Variants in CNTNAP2 observed in about 807,000 individuals in gnomAD.
CNTNAP2 encodes contactin associated protein 2, also known as contactin-associated protein-like 2.
Under a neutral mutation model 155.2 loss-of-function variants are expected in CNTNAP2, and 98 were observed. The observed-to-expected ratio is 0.63, with a 90% CI of 0.54 to 0.75. CNTNAP2 has a LOEUF of 0.75. Among genes scored for constraint, CNTNAP2 ranks in the 30% least tolerant of loss-of-function variants. The pLI, the probability that CNTNAP2 is intolerant of heterozygous loss-of-function variation, is 0.00. For missense variants in CNTNAP2, 1,727 were observed against 1,688.1 expected, an observed-to-expected ratio of 1.02 and a Z score of -0.40; for synonymous variants, 651 against 631.2, an observed-to-expected ratio of 1.03 and a Z score of -0.47.
intron 11 of CNTNAP2, among the ~76,000 whole-genome samples, chr7:147,538,403 A>G (rs924523042): frequency 6.6e-6 from 1 of 152,134 alleles, no homozygotes; most frequent in African/African-American, 2.4e-5. Flanking sequence ...TGTAATTCCA[A>G]CTCTTTGGAA....
Position 148,098,444 on chromosome 7 carries a change from G to GAAAAAA in CNTNAP2, c.2384-19654_2384-19649dup, listed in dbSNP as rs61014019. 1.3e-3 allele frequency among the ~76,000 whole-genome samples: 73 copies of GAAAAAA among 56,386 alleles called. 6 individuals are homozygous for GAAAAAA. The highest frequency in any genetic ancestry group is 4.2e-3 in the African/African-American group (52 of 12,482). 37.0% of individuals were successfully genotyped at this position (56,386 alleles called of 152,430 possible). The stretch of plus-strand genomic sequence containing the variant: ...GGTGACAGAGCGAGACTCTGTCTCA[G>GAAAAAA]AAAAAAAAAAAAAAAAAAAAAAAAA... On this transcript the variant is annotated intron_variant, in intron 15 of 23. Transcript: ENST00000361727.
intron 15 of CNTNAP2, among the ~76,000 whole-genome samples, chr7:148,060,300 C>T (rs767859291): frequency 2.6e-5 from 4 of 151,810 alleles, no homozygotes; most frequent in Non-Finnish European, 5.9e-5. Context: ...AATAATTTTT[C>T]TGAAGTATTT....
At chr7:148,265,909 T>C (rs1253288168) in intron 20 of CNTNAP2, among the ~76,000 whole-genome samples, 1 of 152,214 alleles carries the variant, frequency 6.6e-6, no homozygotes, top group Non-Finnish European at 1.5e-5. Flanking sequence ...TTGCCTGCCC[T>C]CTTTCTTCAC....
In CNTNAP2 at chr7:147,486,186, CAA is replaced by C. The variant is rs4015951; in HGVS notation, c.1777+157_1777+158del. 0.19 allele frequency: 103,281 copies of C among 552,048 alleles called. 6,670 individuals carry two copies. The highest frequency in any genetic ancestry group is 0.36 in the East Asian group (11,812 of 32,436). The allele number at this position is 552,048 out of a possible 1,614,324, so 34.2% of individuals were successfully genotyped here. A position where few individuals can be genotyped will look rare whatever the true frequency, so the allele number is the denominator to read the frequency against. On this transcript the variant is annotated intron_variant, in intron 11 of 23. Coordinates refer to ENST00000361727, the MANE Select transcript of CNTNAP2 (RefSeq NM_014141.6). ...ACCAAGATTCCAATTGTCATTTCTC[CAA>C]AAAAAAAAAAATAAAATACACTATT...
chr7:146,288,538 G>C (rs748633284), intron 1 of CNTNAP2, among the ~76,000 whole-genome samples: 1 of 151,884 alleles, frequency 6.6e-6, no homozygotes, highest in African/African-American at 2.4e-5. Context: ...AGAAAAAAAA[G>C]TGTTTTATTT....
chr7:147,853,952 T>C (rs936008012), intron 13 of CNTNAP2, among the ~76,000 whole-genome samples: 1 of 152,212 alleles, frequency 6.6e-6, no homozygotes, highest in African/African-American at 2.4e-5. Context: ...TAAACTATCT[T>C]GTAGAAAAAT....
intron 2 of CNTNAP2, among the ~76,000 whole-genome samples, chr7:146,819,821 C>G (rs1447247763): frequency 6.6e-6 from 1 of 152,124 alleles, no homozygotes; most frequent in Non-Finnish European, 1.5e-5. Flanking sequence ...TTGATTCCTT[C>G]TTTTCACTTG....
intron 1 of CNTNAP2, among the ~76,000 whole-genome samples, chr7:146,619,805 T>C (rs1180661652): frequency 6.6e-6 from 1 of 152,176 alleles, no homozygotes; most frequent in Admixed American, 6.5e-5. Flanking sequence ...ATTTGTTCAG[T>C]TTTGATAGGT....
rs75836143 is a variant in CNTNAP2 at position 148,084,917 on chromosome 7, A to G, written c.2384-33201A>G. ...GCCAGTCCTGATGTTAAACACTCCA[A>G]TGATCCCTCAAGCTTTTTATTCTGT... On this transcript the variant is annotated intron_variant, in intron 15 of 23. Coordinates refer to ENST00000361727, the MANE Select transcript of CNTNAP2 (RefSeq NM_014141.6). 6.4e-3 allele frequency among the ~76,000 whole-genome samples: 982 copies of G among 152,344 alleles called. 10 individuals are homozygous for G. Among genetic ancestry groups the G allele is most frequent in the African/African-American group, 0.022 (894 of 41,580 alleles).
chr7:148,055,554 C>T (rs1052288674), intron 15 of CNTNAP2, among the ~76,000 whole-genome samples: 5 of 152,166 alleles, frequency 3.3e-5, no homozygotes, highest in African/African-American at 1.2e-4. Context: ...ACAATGATAG[C>T]CCTTCTCTTC....
chr7:147,992,396 G>A (rs2116883306), intron 15 of CNTNAP2, among the ~76,000 whole-genome samples: 1 of 152,240 alleles, frequency 6.6e-6, no homozygotes, highest in South Asian at 2.1e-4. Context: ...ACAGGTGTGA[G>A]CCACCATGCC....
rs150059278 is a variant in CNTNAP2, at chr7:146,125,089, T to G, written c.97+8116T>G. 1.9e-4 allele frequency among the ~76,000 whole-genome samples: 29 copies of G among 152,352 alleles called. No individual in the cohort carries two copies. In the East Asian group the frequency reaches 5.2e-3, roughly 27 times the overall value. ...GTTAAAACGAATGCTTAACTTATAGTAGAAGAGATTTTCAATGGCAGTAAT... is the reference window on the plus strand; with the variant it reads ...GTTAAAACGAATGCTTAACTTATAGGAGAAGAGATTTTCAATGGCAGTAAT... On this transcript the variant is annotated intron_variant, in intron 1 of 23. Coordinates refer to ENST00000361727, the MANE Select transcript of CNTNAP2 (RefSeq NM_014141.6).
intron 18 of CNTNAP2, among the ~76,000 whole-genome samples, chr7:148,200,399 TTC>T: frequency 6.6e-6 from 1 of 151,976 alleles, no homozygotes; most frequent in South Asian, 2.1e-4. Flanking sequence ...TTTTCTTTCT[TTC>T]TCTCTCTTTT....
chr7:147,554,505 C>A (rs1367063175), intron 11 of CNTNAP2, among the ~76,000 whole-genome samples: 4 of 151,892 alleles, frequency 2.6e-5, no homozygotes, highest in African/African-American at 9.7e-5. Flanking sequence ...TGTAGATATA[C>A]TCTGGCTTTC....
intron 23 of CNTNAP2, among the ~76,000 whole-genome samples, chr7:148,409,908 G>A (rs1236760480): frequency 1.1e-5 from 1 of 93,124 alleles, no homozygotes; most frequent in East Asian, 2.4e-4. Flanking sequence ...AAAATTAGCC[G>A]GGCGCAGTGG....
chr7:147,703,418 G>A (rs1052440550), intron 13 of CNTNAP2, among the ~76,000 whole-genome samples: 11 of 152,168 alleles, frequency 7.2e-5, no homozygotes, highest in African/African-American at 2.7e-4. Flanking sequence ...AGGGCCCTGG[G>A]CATTTACTGA....
At chr7:148,351,744 CAAAAAA>C (rs71188974) in intron 21 of CNTNAP2, among the ~76,000 whole-genome samples, 3 of 85,396 alleles carry the variant, frequency 3.5e-5, no homozygotes, top group Admixed American at 3.2e-4. Flanking sequence ...CTCTGTCTCA[CAAAAAA>C]AAAAAAAAAA....
chr7:147,056,188 C>T (rs1224612112), intron 4 of CNTNAP2, among the ~76,000 whole-genome samples: 1 of 152,086 alleles, frequency 6.6e-6, no homozygotes, highest in African/African-American at 2.4e-5. Context: ...AAAAGAAAAA[C>T]TTCCCTGTTT....
intron 13 of CNTNAP2, among the ~76,000 whole-genome samples, chr7:147,670,028 C>T (rs1026209535): frequency 4.6e-5 from 7 of 152,106 alleles, no homozygotes; most frequent in Non-Finnish European, 1.5e-5. Flanking sequence ...CATTACTGGT[C>T]TCATATTCTA....
Sources: allele counts gnomAD v4.1 joint callset (sites outside exome capture counted in the v4.1 genomes callset), GRCh38; gene constraint gnomAD v4.1.1; transcripts MANE v1.5; gene names NCBI Gene and HGNC (gene_info 2026-07-23, HGNC 2026-07-21).